The following ARHGEF6 variants were observed in gnomAD, a reference collection of about 807,000 sequenced individuals.
ARHGEF6 encodes the protein Rac/Cdc42 guanine nucleotide exchange factor 6, also known as rho guanine nucleotide exchange factor 6.
In ARHGEF6, 9 loss-of-function variants were observed where a neutral mutation model predicts 70.3. That is an observed-to-expected ratio of 0.13 (90% confidence interval 0.08 to 0.22). ARHGEF6 has a LOEUF of 0.22. ARHGEF6 is among the 10% of genes least tolerant of loss of function. The pLI is 1.00. For missense variants in ARHGEF6, 470 were observed against 563.0 expected (o/e 0.83, Z 1.67); for synonymous variants, 201 against 207.8 (o/e 0.97, Z 0.28).
intron 2 of ARHGEF6, among the ~76,000 whole-genome samples, chrX:136,761,202 T>A (rs1035898600): frequency 8.9e-6 from 1 of 112,099 alleles, no homozygotes; most frequent in Non-Finnish European, 1.9e-5. Flanking sequence ...ATACACAAAT[T>A]GTTTTCAGCA....
In ARHGEF6 at chrX:136,735,740, A is replaced by G. The variant is rs897115101; in HGVS notation, c.662-3568T>C. 2.7e-5 allele frequency among the ~76,000 whole-genome samples: 3 copies of G among 111,986 alleles called. No individual in the cohort carries two copies. In the Admixed American group the frequency reaches 2.8e-4, roughly 11 times the overall value. The stretch of plus-strand genomic sequence containing the variant: ...TCTTTCTCTTCCTTTGCTGGTGTAC[A>G]GATTACTATTGCCTGTTGGTGGTGA... On this transcript the variant is annotated intron_variant, in intron 5 of 21. Transcript: ENST00000250617.
intron 2 of ARHGEF6, among the ~76,000 whole-genome samples, chrX:136,767,948 C>T (rs1005949458): frequency 8.0e-5 from 9 of 112,889 alleles, no homozygotes; most frequent in Admixed American, 5.5e-4. Flanking sequence ...CCGCCCGCTT[C>T]AGCCCCTACC....
At chrX:136,684,912 C>T (rs1387868898) in intron 12 of ARHGEF6, among the ~76,000 whole-genome samples, 8 of 111,634 alleles carry the variant, frequency 7.2e-5, no homozygotes, top group African/African-American at 2.3e-4. Flanking sequence ...ATATATAGGT[C>T]GCAGATTAGT....
At chrX:136,683,412 G>A (rs1388245956) in intron 12 of ARHGEF6, among the ~76,000 whole-genome samples, 3 of 110,918 alleles carry the variant, frequency 2.7e-5, no homozygotes, top group Non-Finnish European at 5.7e-5. Flanking sequence ...AGGTTGGAGT[G>A]CAATGGCACG....
intron 3 of ARHGEF6, among the ~76,000 whole-genome samples, chrX:136,746,365 AT>A (rs201359121): frequency 1.5e-4 from 17 of 110,842 alleles, no homozygotes; most frequent in African/African-American, 4.3e-4. Context: ...GCTCAAAAGC[AT>A]TTTTTTTTCC....
intron 6 of ARHGEF6, among the ~76,000 whole-genome samples, chrX:136,718,295 G>T (rs975581595): frequency 1.8e-5 from 2 of 111,043 alleles, no homozygotes; most frequent in African/African-American, 6.5e-5. Context: ...TAATAAAGAG[G>T]TCAGTTCTCC....
intron 15 of ARHGEF6, among the ~76,000 whole-genome samples, chrX:136,680,467 G>C (rs776552242): frequency 7.1e-5 from 8 of 112,238 alleles, no homozygotes; most frequent in African/African-American, 2.6e-4. Flanking sequence ...CAGGACTTCT[G>C]GTTAGAAATA....
chrX:136,704,283 C>T (rs2076605071), intron 9 of ARHGEF6, among the ~76,000 whole-genome samples: 1 of 112,052 alleles, frequency 8.9e-6, no homozygotes, highest in African/African-American at 3.2e-5. Flanking sequence ...GCTACACAAC[C>T]TTGTGAATAT....
intron 9 of ARHGEF6, among the ~76,000 whole-genome samples, chrX:136,698,125 T>C (rs953587825): frequency 3.0e-4 from 33 of 111,734 alleles, no homozygotes; most frequent in African/African-American, 1.1e-3. Flanking sequence ...AACTGAAATT[T>C]AAAATTTCAT....
chrX:136,711,597 C>G (rs1446189308), intron 7 of ARHGEF6, among the ~76,000 whole-genome samples: 1 of 111,861 alleles, frequency 8.9e-6, no homozygotes, highest in Non-Finnish European at 1.9e-5. Context: ...GAGTCTCACT[C>G]TGTCCCCCAG....
At chrX:136,706,626 T>C (rs764508317) in intron 9 of ARHGEF6, among the ~76,000 whole-genome samples, 4 of 112,225 alleles carry the variant, frequency 3.6e-5, no homozygotes, top group South Asian at 3.7e-4. Flanking sequence ...TTTAATTTAA[T>C]ATCTGCATTT....
chrX:136,718,829 T>A (rs1162094445), intron 6 of ARHGEF6, among the ~76,000 whole-genome samples: 5 of 109,928 alleles, frequency 4.5e-5, no homozygotes, highest in Non-Finnish European at 9.5e-5. Flanking sequence ...AGAAACATTT[T>A]CTTTGGCTGA....
At chrX:136,687,073 A>C (rs2076410793) in intron 11 of ARHGEF6, among the ~76,000 whole-genome samples, 2 of 111,199 alleles carry the variant, frequency 1.8e-5, no homozygotes, top group Admixed American at 1.9e-4. Flanking sequence ...AAAAAATAGA[A>C]GAACCATAAT....
chrX:136,717,265 A>C (rs771025150), intron 6 of ARHGEF6, among the ~76,000 whole-genome samples: 1 of 112,513 alleles, frequency 8.9e-6, no homozygotes, highest in East Asian at 2.8e-4. Context: ...TAAAAGTTAC[A>C]TCTGACCTCT....
intron 2 of ARHGEF6, among the ~76,000 whole-genome samples, chrX:136,774,319 T>C (rs946280709): frequency 3.3e-5 from 2 of 61,261 alleles, no homozygotes; most frequent in African/African-American, 9.0e-5. Context: ...GCAGAAATCA[T>C]TGGCAACTTC....
chrX:136,731,982 C>A (rs1286141686), intron 6 of ARHGEF6, 120 bp downstream of exon 6: 22 of 534,869 alleles, frequency 4.1e-5, no homozygotes, highest in Non-Finnish European at 7.0e-5. Flanking sequence ...TGGCATTAGA[C>A]TCATGCATGC....
intron 2 of ARHGEF6, among the ~76,000 whole-genome samples, chrX:136,755,929 T>C (rs2077201347): frequency 9.0e-6 from 1 of 111,585 alleles, no homozygotes; most frequent in Admixed American, 9.5e-5. Flanking sequence ...GGATGCTCTG[T>C]CAGAGAGACT....
intron 4 of ARHGEF6, 136 bp downstream of exon 4, chrX:136,745,087 T>C (rs2077082102): frequency 2.3e-6 from 2 of 872,984 alleles, no homozygotes; most frequent in African/African-American, 2.0e-5. Flanking sequence ...GAATTGGTGC[T>C]CGGTTTATAA....
chrX:136,704,634 G>C (rs1037375177), intron 9 of ARHGEF6, among the ~76,000 whole-genome samples: 1 of 112,014 alleles, frequency 8.9e-6, no homozygotes, highest in Non-Finnish European at 1.9e-5. Flanking sequence ...TGGCAGGAAA[G>C]AGAGCAAGAG....
Sources: gnomAD v4.1 joint callset for allele counts (sites outside exome capture counted in the v4.1 genomes callset) on GRCh38, gnomAD v4.1.1 for gene constraint, MANE v1.5 for transcripts, NCBI Gene and HGNC (gene_info 2026-07-23, HGNC 2026-07-21) for gene names.